Variants in LTBP1 observed in about 807,000 individuals in gnomAD.
LTBP1 encodes the protein latent-transforming growth factor beta-binding protein 1.
In LTBP1, 129 loss-of-function variants were observed where a neutral mutation model predicts 207.6. The ratio of observed to expected loss-of-function variants is 0.62; its 90% CI spans 0.54 to 0.72. The LOEUF (loss-of-function observed/expected upper bound fraction) is 0.72, where lower values mean the gene tolerates loss of function less well. LTBP1 is among the 30% of genes least tolerant of loss of function. LTBP1 has a pLI of 0.00. For synonymous variants in LTBP1, 963 were observed against 833.7 expected, an observed-to-expected ratio of 1.16 and a Z score of -2.67; for missense variants, 2,281 against 2,217.2, an observed-to-expected ratio of 1.03 and a Z score of -0.58.
At chr2:33,216,532 G>A (rs2090717064) in intron 7 of LTBP1, among the ~76,000 whole-genome samples, 1 of 152,164 alleles carries the variant, frequency 6.6e-6, no homozygotes, top group South Asian at 2.1e-4. Context: ...GTCAGTGAAA[G>A]TTTTTAATCG....
intron 19 of LTBP1, among the ~76,000 whole-genome samples, chr2:33,290,145 A>G (rs1033174567): frequency 1.3e-5 from 2 of 152,134 alleles, no homozygotes; most frequent in Non-Finnish European, 2.9e-5. Context: ...ACTTTATAAC[A>G]ATCCACTCTC....
chr2:33,343,568 G>C (rs1036657814), intron 25 of LTBP1, among the ~76,000 whole-genome samples: 1 of 152,178 alleles, frequency 6.6e-6, no homozygotes, highest in Non-Finnish European at 1.5e-5. Context: ...ACAGGAAATA[G>C]AGTCTGGTGT....
At chr2:32,977,335 G>C (rs1436279811) in intron 2 of LTBP1, among the ~76,000 whole-genome samples, 1 of 152,196 alleles carries the variant, frequency 6.6e-6, no homozygotes, top group African/African-American at 2.4e-5. Context: ...CACCTTCCCT[G>C]CCGTCTGGGT....
intron 12 of LTBP1, 84 bp from the exon 13 acceptor site, chr2:33,259,504 C>T (rs2092953597): frequency 2.1e-6 from 2 of 952,798 alleles, no homozygotes; most frequent in Non-Finnish European, 3.1e-6. Context: ...AGATAATGGA[C>T]TTCTATTGTT....
chr2:33,278,877 A>T (rs1487534636), intron 18 of LTBP1, among the ~76,000 whole-genome samples: 1 of 152,238 alleles, frequency 6.6e-6, no homozygotes, highest in African/African-American at 2.4e-5. Flanking sequence ...GATAGAAAAA[A>T]AATTACAACA....
At chr2:32,947,965 T>C in intron 1 of LTBP1, 147 bp downstream of exon 1, 1 of 614,464 alleles carries the variant, frequency 1.6e-6, no homozygotes, top group Non-Finnish European at 2.3e-6. Context: ...CTCCGCCTGC[T>C]CTGGGCGCCG....
intron 15 of LTBP1, among the ~76,000 whole-genome samples, chr2:33,265,203 G>A (rs949348222): frequency 2.6e-5 from 4 of 152,136 alleles, no homozygotes; most frequent in African/African-American, 9.7e-5. Flanking sequence ...AGAAATATGT[G>A]ATCAGCTATC....
chr2:33,119,763 T>C (rs897650798), intron 4 of LTBP1, among the ~76,000 whole-genome samples: 8 of 152,124 alleles, frequency 5.3e-5, no homozygotes, highest in African/African-American at 9.7e-5. Flanking sequence ...TTTCACCATA[T>C]TAGCCAGGAT....
At chr2:33,202,088 T>G (rs139373309) in intron 7 of LTBP1, among the ~76,000 whole-genome samples, 1 of 146,088 alleles carries the variant, frequency 6.8e-6, no homozygotes, top group Non-Finnish European at 1.5e-5. Flanking sequence ...CAAATAGATA[T>G]ACTTAGCTTT....
intron 5 of LTBP1, among the ~76,000 whole-genome samples, chr2:33,135,517 T>C (rs139339598): frequency 1.3e-5 from 2 of 152,290 alleles, no homozygotes; most frequent in Admixed American, 6.5e-5. Flanking sequence ...TAAATTGATA[T>C]ATAACGTGGA....
chr2:33,034,018 A>G (rs745903355), intron 3 of LTBP1, among the ~76,000 whole-genome samples: 1 of 152,198 alleles, frequency 6.6e-6, no homozygotes, highest in Non-Finnish European at 1.5e-5. Context: ...ACAGGAGAGC[A>G]GATGGAGTCG....
rs531828542 is a variant in LTBP1 at position 33,373,196 on chromosome 2, A to G, written c.4711+7693A>G. On this transcript the variant is annotated intron_variant, in intron 31 of 33. Transcript: ENST00000404816. ...AGCACAGGTAATTTCTTGACTACTC[A>G]GGTGTAGAAAGATGGTTTTAAAACA... Among the ~76,000 whole-genome samples, 7 of 152,298 alleles carry G rather than the reference A, an allele frequency of 4.6e-5. No individual in the cohort carries two copies. In the South Asian group the frequency reaches 1.0e-3, roughly 23 times the overall value.
chr2:33,307,865 C>G (rs2094123379), intron 22 of LTBP1, among the ~76,000 whole-genome samples: 1 of 152,138 alleles, frequency 6.6e-6, no homozygotes, highest in African/African-American at 2.4e-5. Flanking sequence ...TCTCTTATTT[C>G]TCTTTTGTTT....
At chr2:33,042,806 C>T (rs72869664) in intron 3 of LTBP1, among the ~76,000 whole-genome samples, 10,616 of 152,088 alleles carry the variant, frequency 0.07, 769 homozygotes, top group East Asian at 0.34. Flanking sequence ...TATGTTGTTA[C>T]GCTAATAAAT....
intron 3 of LTBP1, among the ~76,000 whole-genome samples, chr2:33,100,732 C>G (rs1190444449): frequency 2.0e-5 from 3 of 152,110 alleles, no homozygotes; most frequent in South Asian, 2.1e-4. Flanking sequence ...AACCTCTACT[C>G]TATTTTCTGT....
chr2:33,073,505 C>T (rs1182045759), intron 3 of LTBP1, among the ~76,000 whole-genome samples: 1 of 152,052 alleles, frequency 6.6e-6, no homozygotes, highest in Non-Finnish European at 1.5e-5. Context: ...TTTGAAGAAA[C>T]CTATCATACA....
intron 11 of LTBP1, among the ~76,000 whole-genome samples, chr2:33,253,625 A>AGATGCTT: frequency 6.6e-6 from 1 of 152,304 alleles, no homozygotes; most frequent in East Asian, 1.9e-4. Context: ...ATGTTTGATA[A>AGATGCTT]GATGCTTTCT....
intron 2 of LTBP1, among the ~76,000 whole-genome samples, chr2:32,972,296 TTTAG>T (rs886491424): frequency 1.4e-4 from 22 of 152,194 alleles, no homozygotes; most frequent in African/African-American, 5.3e-4. Flanking sequence ...CTCGGTTATA[TTTAG>T]TTCAGCTCTG....
intron 19 of LTBP1, among the ~76,000 whole-genome samples, chr2:33,283,568 C>T (rs1040088354): frequency 6.6e-6 from 1 of 150,536 alleles, no homozygotes; most frequent in Non-Finnish European, 1.5e-5. Flanking sequence ...TCCTGAGTAA[C>T]TGGGACTACA....
Sources: gnomAD v4.1 joint callset for allele counts (sites outside exome capture counted in the v4.1 genomes callset) on GRCh38, gnomAD v4.1.1 for gene constraint, MANE v1.5 for transcripts, NCBI Gene and HGNC (gene_info 2026-07-23, HGNC 2026-07-21) for gene names.